The following CMSS1 variants were observed in gnomAD, a reference collection of about 807,000 sequenced individuals.
The protein encoded by CMSS1 is protein CMSS1.
In CMSS1, 33 loss-of-function variants were observed where a neutral mutation model predicts 43.5. The observed-to-expected ratio is 0.76, with a 90% CI of 0.57 to 1.01. CMSS1 has a LOEUF of 1.01. CMSS1 is among the 50% of genes least tolerant of loss of function. The pLI is 0.00. For missense variants in CMSS1, 313 were observed against 326.4 expected (o/e 0.96, Z 0.32); for synonymous variants, 115 against 117.2 (o/e 0.98, Z 0.12).
At chr3:100,146,779 T>G (rs1367178027) in intron 1 of CMSS1, among the ~76,000 whole-genome samples, 194 bp from the exon 2 acceptor site, 1 of 152,210 alleles carries the variant, frequency 6.6e-6, no homozygotes, top group Non-Finnish European at 1.5e-5. Context: ...ATCTTTAGTT[T>G]TTCAGTTTTA....
intron 1 of CMSS1, among the ~76,000 whole-genome samples, chr3:100,130,182 T>C (rs2066694911): frequency 2.0e-5 from 3 of 152,230 alleles, no homozygotes; most frequent in African/African-American, 7.2e-5. Context: ...ATAAAGTGTG[T>C]CCTGTTTTAT....
At chr3:99,834,209 CAGGAAAGGGTCTTTCAA>C (rs1325103957) in intron 1 of CMSS1, among the ~76,000 whole-genome samples, 1 of 152,188 alleles carries the variant, frequency 6.6e-6, no homozygotes, top group African/African-American at 2.4e-5. Context: ...ACGCTTTATA[CAGGAAAGGGTCTTTCAA>C]AGGAAAGCTG....
chr3:100,151,362 C>G (rs2066906465), intron 2 of CMSS1, among the ~76,000 whole-genome samples: 1 of 152,198 alleles, frequency 6.6e-6, no homozygotes, highest in Non-Finnish European at 1.5e-5. Context: ...GCCTCTGGCT[C>G]TGCTTCTCTT....
intron 1 of CMSS1, among the ~76,000 whole-genome samples, chr3:100,059,290 C>G (rs1175276440): frequency 6.6e-6 from 1 of 152,182 alleles, no homozygotes; most frequent in African/African-American, 2.4e-5. Context: ...TTATAAATCT[C>G]TGGCATTTGA....
chr3:99,829,762 C>G lies in CMSS1; in HGVS notation c.64+11719C>G, dbSNP rs74776825. 4.8e-3 allele frequency among the ~76,000 whole-genome samples: 728 copies of G among 152,262 alleles called. 10 individuals carry two copies. Among genetic ancestry groups the G allele is most frequent in the African/African-American group, 0.016 (668 of 41,542 alleles). On this transcript the variant is annotated intron_variant, in intron 1 of 9. Coordinates refer to ENST00000421999, the MANE Select transcript of CMSS1 (RefSeq NM_032359.4). ...TGATTCATGTCTCCCTAAAATATCT[C>G]AATGTTACTGAGACTAAGTGCCAGT...
intron 1 of CMSS1, among the ~76,000 whole-genome samples, chr3:100,029,799 G>A (rs566760626): frequency 5.3e-4 from 80 of 152,222 alleles, no homozygotes; most frequent in African/African-American, 1.8e-3. Context: ...CTGTCACTAC[G>A]CTATATAGTG....
intron 1 of CMSS1, among the ~76,000 whole-genome samples, chr3:99,988,978 A>G (rs1435800732): frequency 1.3e-5 from 2 of 152,332 alleles, no homozygotes; most frequent in South Asian, 2.1e-4. Context: ...GACTGTGTCT[A>G]TACCTTTAGA....
At position 100,101,866 on chromosome 3, in the gene CMSS1, C is replaced by T. The variant is rs1576062487; in HGVS notation, c.65-45107C>T. Reference sequence around the variant, plus strand: ...ATTCCCACCTACGAGTGAGAACATGCAGTGTTTGGTTTTTTGTCCTTGCGA... The same window carrying T: ...ATTCCCACCTACGAGTGAGAACATGTAGTGTTTGGTTTTTTGTCCTTGCGA... On this transcript the variant is annotated intron_variant, in intron 1 of 9. Coordinates refer to ENST00000421999, the MANE Select transcript of CMSS1 (RefSeq NM_032359.4). Among the ~76,000 whole-genome samples, 3 of 151,994 alleles carry T rather than the reference C, an allele frequency of 2.0e-5. No individual in the cohort carries two copies. The South Asian group carries it at 6.2e-4, about 32-fold the overall frequency.
In CMSS1 at chr3:100,160,425, A is replaced by C; in HGVS notation, c.154-5A>C. 7.1e-7 allele frequency: 1 copy of C among 1,418,200 alleles called. No individual in the cohort carries two copies. Among genetic ancestry groups the C allele is most frequent in the South Asian group, 1.2e-5 (1 of 84,704 alleles). 87.9% of individuals were successfully genotyped at this position (1,418,200 alleles called of 1,614,324 possible). A position where few individuals can be genotyped will look rare whatever the true frequency, so the allele number is the denominator to read the frequency against. ...TAAAATGTTCTCATTTGTATTTCTTAATAGCCTAAAGAATGTTTTTTGATA... is the reference window on the plus strand; with the variant it reads ...TAAAATGTTCTCATTTGTATTTCTTCATAGCCTAAAGAATGTTTTTTGATA... On this transcript the variant is annotated splice_polypyrimidine_tract_variant and splice_region_variant and intron_variant, in intron 2 of 9. Coordinates refer to ENST00000421999, the MANE Select transcript of CMSS1 (RefSeq NM_032359.4).
intron 1 of CMSS1, among the ~76,000 whole-genome samples, chr3:99,976,099 G>C (rs1708962546): frequency 1.3e-5 from 2 of 152,026 alleles, no homozygotes; most frequent in Admixed American, 1.3e-4. Flanking sequence ...TTTCCAGGCT[G>C]GTCTCGAACT....
At chr3:100,108,793 C>G (rs2066436157) in intron 1 of CMSS1, among the ~76,000 whole-genome samples, 1 of 152,112 alleles carries the variant, frequency 6.6e-6, no homozygotes, top group African/African-American at 2.4e-5. Flanking sequence ...TTGTGGTACA[C>G]CTCATGCTCA....
At chr3:99,983,389 A>AATAAATAAATAAATAAAT (rs1302972402) in intron 1 of CMSS1, among the ~76,000 whole-genome samples, 1 of 40,788 alleles carries the variant, frequency 2.5e-5, no homozygotes, top group African/African-American at 1.0e-4. Context: ...TAAATAAATA[A>AATAAATAAATAAATAAAT]ATATATATAT....
chr3:99,901,478 C>G (rs1379402414), intron 1 of CMSS1, among the ~76,000 whole-genome samples: 2 of 152,146 alleles, frequency 1.3e-5, no homozygotes, highest in African/African-American at 4.8e-5. Context: ...AACAAAATGC[C>G]TCAGAATGAA....
At chr3:99,880,572 A>G (rs1705691855) in intron 1 of CMSS1, among the ~76,000 whole-genome samples, 1 of 152,226 alleles carries the variant, frequency 6.6e-6, no homozygotes, top group Non-Finnish European at 1.5e-5. Flanking sequence ...TGATTACAGT[A>G]GTAGTGTCCA....
Position 100,178,466 on chromosome 3 carries a change from C to G in CMSS1, c.*78C>G. The G allele has an allele frequency of 1.2e-6, 1 of 843,020 alleles. No homozygotes were observed. The highest frequency in any genetic ancestry group is 2.0e-6 in the Non-Finnish European group (1 of 506,670). The allele number at this position is 843,020 out of a possible 1,614,324, so 52.2% of individuals were successfully genotyped here. ...TAATGACTCTGATACATTGCAAGCA[C>G]TCAGTAAATATCAGCAAATAGTTTA... On this transcript the variant is annotated 3_prime_UTR_variant, in exon 10 of 10. Coordinates refer to ENST00000421999, the MANE Select transcript of CMSS1 (RefSeq NM_032359.4).
intron 1 of CMSS1, among the ~76,000 whole-genome samples, chr3:99,989,736 C>G (rs1435937144): frequency 1.4e-5 from 2 of 148,074 alleles, no homozygotes; most frequent in Non-Finnish European, 3.0e-5. Flanking sequence ...GTAAGGTAAT[C>G]CTATTTAGTA....
At chr3:99,993,314 A>G (rs1266281499) in intron 1 of CMSS1, among the ~76,000 whole-genome samples, 1 of 152,014 alleles carries the variant, frequency 6.6e-6, no homozygotes, top group Non-Finnish European at 1.5e-5. Context: ...GTCATCTACA[A>G]CTTCTTTCAG....
At chr3:99,874,719 T>C (rs1055653941) in intron 1 of CMSS1, among the ~76,000 whole-genome samples, 17 of 152,198 alleles carry the variant, frequency 1.1e-4, no homozygotes, top group African/African-American at 4.1e-4. Context: ...TTATTAGAAA[T>C]ATACAGATAT....
At chr3:99,843,662 G>A (rs1244017866) in intron 1 of CMSS1, among the ~76,000 whole-genome samples, 1 of 152,134 alleles carries the variant, frequency 6.6e-6, no homozygotes, top group Non-Finnish European at 1.5e-5. Context: ...AACATGCTCA[G>A]AGAACACTTA....
Sources: gnomAD v4.1 joint callset for allele counts (sites outside exome capture counted in the v4.1 genomes callset) on GRCh38, gnomAD v4.1.1 for gene constraint, MANE v1.5 for transcripts, NCBI Gene and HGNC (gene_info 2026-07-23, HGNC 2026-07-21) for gene names.